Variants in PRKN observed in about 807,000 individuals in gnomAD.
The protein encoded by PRKN is parkin RBR E3 ubiquitin protein ligase.
PRKN carries 56 observed loss-of-function variants against 59.5 expected under a neutral mutation model. That is an observed-to-expected ratio of 0.94 (90% CI 0.76 to 1.18). The LOEUF is 1.18. Among genes scored for constraint, PRKN ranks in the 50% most tolerant of loss-of-function variants. The pLI is 0.00. For synonymous variants in PRKN, 250 were observed against 222.1 expected (o/e 1.13, Z -1.12); for missense variants, 657 against 596.4 (o/e 1.10, Z -1.06).
chr6:162,142,923 C>T (rs1267440622), intron 4 of PRKN, among the ~76,000 whole-genome samples: 2 of 152,184 alleles, frequency 1.3e-5, no homozygotes, highest in Non-Finnish European at 2.9e-5. Flanking sequence ...TACTTATAAA[C>T]CAAGGCAATC....
intron 6 of PRKN, among the ~76,000 whole-genome samples, chr6:161,910,012 T>A (rs1225437488): frequency 2.0e-5 from 3 of 152,176 alleles, no homozygotes; most frequent in Admixed American, 2.0e-4. Context: ...AAGGGGAATT[T>A]GGAAGATGCT....
In PRKN at chr6:161,361,988, C is replaced by G. The variant is rs1458989124; in HGVS notation, c.1168-1783G>C. The stretch of plus-strand genomic sequence containing the variant: ...ACCCATCCCCCCACCGACCTGCACC[C>G]CAACGCCACCCCGGCCTCATGTTCC... On this transcript the variant is annotated intron_variant, in intron 10 of 11. Transcript: ENST00000366898. The surrounding 1 kb of genome is among the most constrained non-coding windows in gnomAD (Gnocchi z 5.2). Among the ~76,000 whole-genome samples the G allele has an allele frequency of 6.6e-6, 1 of 152,122 alleles. No homozygotes were observed. Among genetic ancestry groups the G allele is most frequent in the Non-Finnish European group, 1.5e-5 (1 of 68,046 alleles).
intron 7 of PRKN, among the ~76,000 whole-genome samples, chr6:161,605,788 G>A (rs1782259186): frequency 6.6e-6 from 1 of 152,126 alleles, no homozygotes; most frequent in African/African-American, 2.4e-5. Context: ...GGGATTACAG[G>A]TATGAGCCAC....
At chr6:161,836,511 T>C (rs895930673) in intron 6 of PRKN, among the ~76,000 whole-genome samples, 1 of 152,220 alleles carries the variant, frequency 6.6e-6, no homozygotes, top group Admixed American at 6.5e-5. Context: ...TTCAGGGAAC[T>C]TGGATAGAGA....
At chr6:162,367,143 G>GT (rs1419211898) in intron 2 of PRKN, among the ~76,000 whole-genome samples, 1 of 152,048 alleles carries the variant, frequency 6.6e-6, no homozygotes, top group African/African-American at 2.4e-5. Flanking sequence ...GGAGCTGATG[G>GT]TTTTATCAGG....
At chr6:162,176,026 T>A (rs1783514926) in intron 4 of PRKN, among the ~76,000 whole-genome samples, 1 of 152,196 alleles carries the variant, frequency 6.6e-6, no homozygotes, top group South Asian at 2.1e-4. Flanking sequence ...GTAGAAAAGA[T>A]CCTCTGGCAA....
intron 1 of PRKN, among the ~76,000 whole-genome samples, chr6:162,484,795 C>A (rs1792468847): frequency 6.6e-6 from 1 of 152,166 alleles, no homozygotes; most frequent in African/African-American, 2.4e-5. Context: ...GCCTATTGGG[C>A]ATTTTGTTCC....
At chr6:161,523,305 T>G (rs1778905657) in intron 9 of PRKN, among the ~76,000 whole-genome samples, 1 of 152,208 alleles carries the variant, frequency 6.6e-6, no homozygotes, top group African/African-American at 2.4e-5. Context: ...TACTGATACA[T>G]CAGTTTATTT....
chr6:162,050,846 C>T (rs560326718), intron 5 of PRKN, among the ~76,000 whole-genome samples: 37 of 152,260 alleles, frequency 2.4e-4, no homozygotes, highest in African/African-American at 8.9e-4. Context: ...CGTGGCCACA[C>T]AGCTGGAGTT....
intron 1 of PRKN, among the ~76,000 whole-genome samples, chr6:162,464,105 C>T (rs1018459504): frequency 3.3e-5 from 5 of 152,088 alleles, no homozygotes; most frequent in Non-Finnish European, 5.9e-5. Flanking sequence ...GTACTTTCAA[C>T]AAAAAATTCT....
intron 3 of PRKN, among the ~76,000 whole-genome samples, chr6:162,228,895 G>A (rs1225232008): frequency 4.6e-5 from 7 of 152,102 alleles, no homozygotes; most frequent in African/African-American, 1.7e-4. Flanking sequence ...AGTAACATCA[G>A]CCTAGCCACA....
At position 161,554,231 on chromosome 6, in the gene PRKN, C is replaced by A. The variant is rs1780146062; in HGVS notation, c.934-5228G>T. 6.6e-6 allele frequency among the ~76,000 whole-genome samples: 1 copy of A among 152,132 alleles called. No individual in the cohort carries two copies. Among genetic ancestry groups the A allele is most frequent in the South Asian group, 2.1e-4 (1 of 4,830 alleles). ...CTCACATTACACAATTTCAGAATAACAATACCATCACTGTGCCTATGATTT... is the reference window on the plus strand; with the variant it reads ...CTCACATTACACAATTTCAGAATAAAAATACCATCACTGTGCCTATGATTT... On this transcript the variant is annotated intron_variant, in intron 8 of 11. Transcript: ENST00000366898. The surrounding 1 kb of genome is among the most constrained non-coding windows in gnomAD (Gnocchi z 4.5).
chr6:162,512,044 T>A (rs1457514690), intron 1 of PRKN, among the ~76,000 whole-genome samples: 1 of 152,184 alleles, frequency 6.6e-6, no homozygotes, highest in Non-Finnish European at 1.5e-5. Context: ...ATGAAAAGTG[T>A]TCACTGCATG....
intron 6 of PRKN, among the ~76,000 whole-genome samples, chr6:161,948,987 G>A (rs1194238973): frequency 6.6e-6 from 1 of 152,202 alleles, no homozygotes; most frequent in Non-Finnish European, 1.5e-5. Flanking sequence ...TCTACGGGGA[G>A]GCAGAGAGGC....
At chr6:162,302,963 T>TACACACACACACACACACACACAC (rs71004084) in intron 2 of PRKN, among the ~76,000 whole-genome samples, 1 of 139,494 alleles carries the variant, frequency 7.2e-6, no homozygotes, top group African/African-American at 2.8e-5. Context: ...GCCTTAAACA[T>TACACACACACACACACACACACAC]ACACACACAC....
chr6:161,903,063 C>T (rs920224857), intron 6 of PRKN, among the ~76,000 whole-genome samples: 1 of 152,186 alleles, frequency 6.6e-6, no homozygotes, highest in Non-Finnish European at 1.5e-5. Context: ...TTCAGGGGAA[C>T]TGTTCATCGC....
At chr6:161,851,894 C>T (rs1793450770) in intron 6 of PRKN, among the ~76,000 whole-genome samples, 1 of 151,308 alleles carries the variant, frequency 6.6e-6, no homozygotes, top group Non-Finnish European at 1.5e-5. Context: ...TGAGACCAGC[C>T]TGGCCAACAT....
At chr6:162,454,060 A>G (rs561998574) in intron 1 of PRKN, among the ~76,000 whole-genome samples, 20 of 152,198 alleles carry the variant, frequency 1.3e-4, no homozygotes, top group Admixed American at 3.3e-4. Flanking sequence ...CTCATCAAAA[A>G]TAATAATCAT....
chr6:161,354,281 T>C lies in PRKN; in HGVS notation c.1286-4070A>G, dbSNP rs1002117640. Among the ~76,000 whole-genome samples, 1 of 152,198 alleles carries C rather than the reference T, an allele frequency of 6.6e-6. No individual in the cohort carries two copies. Among genetic ancestry groups the C allele is most frequent in the Admixed American group, 6.5e-5 (1 of 15,270 alleles). On this transcript the variant is annotated intron_variant, in intron 11 of 11. Coordinates refer to ENST00000366898, the MANE Select transcript of PRKN (RefSeq NM_004562.3). The surrounding 1 kb of genome is among the most constrained non-coding windows in gnomAD (Gnocchi z 6.7). ...AAAGTAAGTGCATCCAGGAAGCAGC[T>C]GAAACTTCACGCAGATTTGTGGATA...
Sources: allele counts gnomAD v4.1 joint callset (sites outside exome capture counted in the v4.1 genomes callset), GRCh38; gene constraint gnomAD v4.1.1; non-coding constraint Gnocchi (gnomAD v3.1); transcripts MANE v1.5; gene names NCBI Gene and HGNC (gene_info 2026-07-23, HGNC 2026-07-21).